Variants in PCSK5 observed in about 807,000 individuals in gnomAD.
PCSK5 encodes proprotein convertase subtilisin/kexin type 5.
PCSK5 carries 129 observed loss-of-function variants against 233.2 expected under a neutral mutation model. The ratio of observed to expected loss-of-function variants is 0.55; its 90% CI spans 0.48 to 0.64. The LOEUF is 0.64. Among genes scored for constraint, PCSK5 ranks in the 30% least tolerant of loss-of-function variants. The probability of loss-of-function intolerance (pLI) is 0.00; values close to 1 mark genes in which losing one functional copy is unlikely to be tolerated. For missense variants in PCSK5, 2,076 were observed against 2,430.1 expected (o/e 0.85, Z 3.06); for synonymous variants, 825 against 879.2 (o/e 0.94, Z 1.09).
At chr9:75,906,160 G>A (rs2131214830) in intron 1 of PCSK5, among the ~76,000 whole-genome samples, 1 of 152,274 alleles carries the variant, frequency 6.6e-6, no homozygotes, top group South Asian at 2.1e-4. Context: ...AGACTAAAGT[G>A]TGACCAAGGG....
rs368565554 is a variant in PCSK5 at position 76,310,121 on chromosome 9, G to A, written c.3689-535G>A. Among the ~76,000 whole-genome samples, 682 of 152,112 alleles carry A rather than the reference G, an allele frequency of 4.5e-3. 7 individuals carry two copies. Among genetic ancestry groups the A allele is most frequent in the African/African-American group, 0.016 (661 of 41,484 alleles). On this transcript the variant is annotated intron_variant, in intron 29 of 37. Coordinates refer to ENST00000674117, the MANE Select transcript of PCSK5 (RefSeq NM_001372043.1). ...AAATTAGCCAGGTGTGGTGGTGCAC[G>A]CCTGTAGTCCCAGCTGCTCAGGAGG...
Position 76,023,812 on chromosome 9 carries a change from A to C in PCSK5, c.486A>C (p.Gly162=). 6.2e-7 allele frequency: 1 copy of C among 1,613,632 alleles called. No individual in the cohort carries two copies. Among genetic ancestry groups the C allele is most frequent in the African/African-American group, 1.3e-5 (1 of 75,018 alleles). ...IEGAWKRGYT[G]KNIVVTILDD... Reference sequence around the variant, plus strand: ...GAGCCTGGAAGAGAGGCTACACGGGAAAGAACATTGTGGTCACTATCCTGG... The same window carrying C: ...GAGCCTGGAAGAGAGGCTACACGGGCAAGAACATTGTGGTCACTATCCTGG... Residue 162 remains glycine, a synonymous_variant, in exon 4 of 38, where the codon GGA becomes GGC. Coordinates refer to ENST00000674117, the MANE Select transcript of PCSK5 (RefSeq NM_001372043.1).
At chr9:76,068,679 G>A (rs1830373965) in intron 6 of PCSK5, among the ~76,000 whole-genome samples, 1 of 150,812 alleles carries the variant, frequency 6.6e-6, no homozygotes, top group Non-Finnish European at 1.5e-5. Flanking sequence ...ATTGATAAAA[G>A]CAAACTCTTA....
chr9:75,994,612 C>A (rs1005435070), intron 3 of PCSK5, among the ~76,000 whole-genome samples: 2 of 151,586 alleles, frequency 1.3e-5, no homozygotes, highest in Admixed American at 1.3e-4. Context: ...TTAGTAGAGA[C>A]GGGGTGTCAC....
At chr9:76,077,257 A>T (rs1830674251) in intron 7 of PCSK5, among the ~76,000 whole-genome samples, 2 of 152,052 alleles carry the variant, frequency 1.3e-5, no homozygotes, top group African/African-American at 4.8e-5. Flanking sequence ...CCATTTGTTC[A>T]CTGGACCTTA....
intron 35 of PCSK5, among the ~76,000 whole-genome samples, chr9:76,340,199 G>A (rs1829790031): frequency 1.3e-5 from 2 of 152,062 alleles, no homozygotes; most frequent in Non-Finnish European, 2.9e-5. Context: ...CTCAAGCAAA[G>A]GCAAGGATTA....
At chr9:76,042,164 C>A (rs1829149015) in intron 5 of PCSK5, among the ~76,000 whole-genome samples, 1 of 152,154 alleles carries the variant, frequency 6.6e-6, no homozygotes, top group Admixed American at 6.5e-5. Context: ...ACTTCTTGAG[C>A]AAATAAAGGG....
intron 5 of PCSK5, among the ~76,000 whole-genome samples, chr9:76,046,169 T>G (rs1829372736): frequency 7.7e-5 from 5 of 64,800 alleles, no homozygotes; most frequent in Admixed American, 1.4e-4. Context: ...TGTTTTTTTT[T>G]TTTTTTTTTT....
chr9:76,089,141 C>G (rs1228999522), intron 7 of PCSK5, among the ~76,000 whole-genome samples: 1 of 152,034 alleles, frequency 6.6e-6, no homozygotes, highest in Non-Finnish European at 1.5e-5. Flanking sequence ...TTCCCCTTAT[C>G]CCTGGATCCC....
At chr9:76,246,341 CAAA>C (rs59806704) in intron 24 of PCSK5, among the ~76,000 whole-genome samples, 1,260 of 52,554 alleles carry the variant, frequency 0.024, 19 homozygotes, top group African/African-American at 0.066. Context: ...GATTCCATCT[CAAA>C]AAAAAAAAAA....
chr9:76,054,258 C>A (rs139669452), intron 5 of PCSK5, among the ~76,000 whole-genome samples: 105 of 152,280 alleles, frequency 6.9e-4, no homozygotes, highest in African/African-American at 2.4e-3. Flanking sequence ...ACCATATCAC[C>A]CTGCCTTGGG....
intron 3 of PCSK5, among the ~76,000 whole-genome samples, chr9:76,002,469 A>G (rs961443730): frequency 3.3e-5 from 5 of 152,190 alleles, no homozygotes; most frequent in African/African-American, 1.2e-4. Context: ...AAGGATTCTT[A>G]ATAGGCATCT....
At chr9:76,034,502 C>T (rs1288497750) in intron 5 of PCSK5, among the ~76,000 whole-genome samples, 2 of 151,752 alleles carry the variant, frequency 1.3e-5, no homozygotes, top group African/African-American at 4.8e-5. Flanking sequence ...CTATGTATCC[C>T]CTCCTCTTCT....
chr9:76,028,562 T>C (rs983831769), intron 5 of PCSK5, among the ~76,000 whole-genome samples: 1 of 152,100 alleles, frequency 6.6e-6, no homozygotes, highest in African/African-American at 2.4e-5. Flanking sequence ...AGATTACCGG[T>C]CTGGGTGGTG....
chr9:75,903,589 A>ATAATATATATTATATATATATATATAT (rs201890432), intron 1 of PCSK5, among the ~76,000 whole-genome samples: 2 of 128,790 alleles, frequency 1.6e-5, no homozygotes, highest in Non-Finnish European at 3.2e-5. Context: ...TATATATATA[A>ATAATATATATTATATATATATATATAT]AATATATATT....
At chr9:76,308,427 T>C (rs1828769447) in intron 28 of PCSK5, among the ~76,000 whole-genome samples, 1 of 152,118 alleles carries the variant, frequency 6.6e-6, no homozygotes, top group Non-Finnish European at 1.5e-5. Context: ...GTATCTTTCT[T>C]GATAATCAAT....
intron 9 of PCSK5, among the ~76,000 whole-genome samples, chr9:76,129,455 T>C (rs919072375): frequency 4.6e-5 from 7 of 152,220 alleles, no homozygotes; most frequent in Admixed American, 4.6e-4. Flanking sequence ...GTTGCTCCTC[T>C]TATTGATAAA....
chr9:76,218,168 A>G (rs1038364070), intron 20 of PCSK5, among the ~76,000 whole-genome samples: 1 of 152,138 alleles, frequency 6.6e-6, no homozygotes, highest in Non-Finnish European at 1.5e-5. Flanking sequence ...TTTCTGACCG[A>G]CTTTGACCTC....
At chr9:76,001,791 T>G (rs991238683) in intron 3 of PCSK5, among the ~76,000 whole-genome samples, 1 of 152,192 alleles carries the variant, frequency 6.6e-6, no homozygotes, top group Non-Finnish European at 1.5e-5. Context: ...CTGGAAACAT[T>G]TCTAATTGTA....
Sources: gnomAD v4.1 joint callset for allele counts (sites outside exome capture counted in the v4.1 genomes callset) on GRCh38, gnomAD v4.1.1 for gene constraint, MANE v1.5 for transcripts, NCBI Gene and HGNC (gene_info 2026-07-23, HGNC 2026-07-21) for gene names.